Variants in ADAMTS6 observed in about 807,000 individuals in gnomAD.
ADAMTS6 encodes the protein ADAM metallopeptidase with thrombospondin type 1 motif 6, also known as A disintegrin and metalloproteinase with thrombospondin motifs 6.
Under a neutral mutation model 144.3 loss-of-function variants are expected in ADAMTS6, and 23 were observed. The observed-to-expected ratio is 0.16, with a 90% CI of 0.11 to 0.23. The LOEUF (loss-of-function observed/expected upper bound fraction) is 0.23. Among genes scored for constraint, ADAMTS6 ranks in the 10% least tolerant of loss-of-function variants. The pLI, the probability that ADAMTS6 is intolerant of heterozygous loss-of-function variation, is 1.00. For synonymous variants in ADAMTS6, 444 were observed against 457.5 expected (o/e 0.97, Z 0.38); for missense variants, 999 against 1,379.6 (o/e 0.72, Z 4.37).
At chr5:65,360,793 A>C (rs961703210) in intron 7 of ADAMTS6, among the ~76,000 whole-genome samples, 2 of 152,222 alleles carry the variant, frequency 1.3e-5, no homozygotes, top group Non-Finnish European at 2.9e-5. Context: ...ATGTTATAAG[A>C]GTTCAAAAGA....
intron 7 of ADAMTS6, among the ~76,000 whole-genome samples, chr5:65,391,969 C>T (rs1277202810): frequency 2.0e-5 from 3 of 152,224 alleles, no homozygotes; most frequent in South Asian, 4.2e-4. Context: ...CTCCTGATCT[C>T]AAGTGATCCA....
At chr5:65,176,737 A>C (rs1754006068) in intron 22 of ADAMTS6, among the ~76,000 whole-genome samples, 1 of 152,274 alleles carries the variant, frequency 6.6e-6, no homozygotes, top group African/African-American at 2.4e-5. Context: ...TAAGTTTAAC[A>C]TTAATAGCAC....
chr5:65,433,851 A>G (rs1366663944), intron 7 of ADAMTS6, among the ~76,000 whole-genome samples: 1 of 152,208 alleles, frequency 6.6e-6, no homozygotes, highest in Non-Finnish European at 1.5e-5. Context: ...ACAGCCTGGC[A>G]GTTTCTCAAA....
intron 7 of ADAMTS6, among the ~76,000 whole-genome samples, chr5:65,419,371 C>A (rs983043898): frequency 6.6e-6 from 1 of 151,860 alleles, no homozygotes; most frequent in Non-Finnish European, 1.5e-5. Context: ...ATAAAGACGG[C>A]AACAATAGAA....
chr5:65,262,876 C>G lies in ADAMTS6; in HGVS notation c.1707G>C (p.Glu569Asp). Residue 569 changes from glutamate to aspartate, a missense_variant, in exon 13 of 25, where the codon GAG becomes GAC. Physicochemically the swap from Glu to Asp is conservative, Grantham distance 45. This residue lies in a region of ADAMTS6 where 619 missense variants were observed against 837.0 expected (regional missense o/e 0.74). Coordinates refer to ENST00000381055, the MANE Select transcript of ADAMTS6 (RefSeq NM_197941.4). ...CGCCTCCCCCGCAGGTCCTGCTGCA[C>G]TCTCCCCATAGTGACCAGGGACCCC... The part of the protein sequence containing the change: ...GGWGPWSLWG[E>D]CSRTCGGGVS... 3.7e-6 allele frequency: 6 copies of G among 1,608,458 alleles called. No individual in the cohort carries two copies. The South Asian group carries it at 6.6e-5, about 18-fold the overall frequency.
chr5:65,478,594 T>C (rs940306182), intron 1 of ADAMTS6, among the ~76,000 whole-genome samples: 3 of 152,204 alleles, frequency 2.0e-5, no homozygotes, highest in African/African-American at 2.4e-5. Context: ...TCCTTCATTA[T>C]CTAACATCAC....
intron 22 of ADAMTS6, among the ~76,000 whole-genome samples, chr5:65,180,636 T>C (rs1005176384): frequency 6.6e-6 from 1 of 152,104 alleles, no homozygotes; most frequent in African/African-American, 2.4e-5. Flanking sequence ...CTCACTCAAA[T>C]CCACTCCCTA....
At chr5:65,256,961 TTCTCTCTCTCTC>T (rs55933758) in intron 14 of ADAMTS6, among the ~76,000 whole-genome samples, 4 of 118,042 alleles carry the variant, frequency 3.4e-5, no homozygotes, top group Admixed American at 2.5e-4. Context: ...GGGTCACTTT[TTCTCTCTCTCTC>T]TCTCTCTCTC....
At chr5:65,225,954 T>G in intron 16 of ADAMTS6, 132 bp downstream of exon 16, 1 of 961,196 alleles carries the variant, frequency 1.0e-6, no homozygotes, top group Non-Finnish European at 1.4e-6. Context: ...TTATTACTCT[T>G]AATGGAAATT....
At chr5:65,346,633 T>A (rs1748344440) in intron 7 of ADAMTS6, among the ~76,000 whole-genome samples, 1 of 150,766 alleles carries the variant, frequency 6.6e-6, no homozygotes, top group Non-Finnish European at 1.5e-5. Flanking sequence ...GGCAGAGCAA[T>A]TAGGCAAAAA....
At chr5:65,201,894 C>T (rs1755763248) in intron 20 of ADAMTS6, among the ~76,000 whole-genome samples, 1 of 152,154 alleles carries the variant, frequency 6.6e-6, no homozygotes, top group Non-Finnish European at 1.5e-5. Flanking sequence ...GTATACAGAG[C>T]ATATGGCCAG....
chr5:65,218,097 A>G (rs957499899), intron 18 of ADAMTS6, among the ~76,000 whole-genome samples: 4 of 152,164 alleles, frequency 2.6e-5, no homozygotes, highest in Non-Finnish European at 5.9e-5. Context: ...AGAGAACAAG[A>G]GAGGAAGGAG....
At chr5:65,282,050 A>G (rs1445987381) in intron 11 of ADAMTS6, among the ~76,000 whole-genome samples, 3 of 152,198 alleles carry the variant, frequency 2.0e-5, no homozygotes, top group Non-Finnish European at 4.4e-5. Context: ...CAATTATTAT[A>G]TCATTAAGGA....
chr5:65,294,631 T>G (rs996719432), intron 10 of ADAMTS6, among the ~76,000 whole-genome samples: 1 of 152,210 alleles, frequency 6.6e-6, no homozygotes, highest in African/African-American at 2.4e-5. Context: ...TGATAATTAT[T>G]AGTTACTAAT....
chr5:65,287,503 C>T (rs1272876959), intron 11 of ADAMTS6, among the ~76,000 whole-genome samples: 1 of 151,934 alleles, frequency 6.6e-6, no homozygotes, highest in Non-Finnish European at 1.5e-5. Flanking sequence ...GTTTCCTCAC[C>T]TATAAAATAT....
At chr5:65,282,567 TC>T (rs1763066765) in intron 11 of ADAMTS6, among the ~76,000 whole-genome samples, 1 of 152,088 alleles carries the variant, frequency 6.6e-6, no homozygotes, top group Non-Finnish European at 1.5e-5. Context: ...AAGAGACAGC[TC>T]TACAGGGCCG....
chr5:65,281,284 A>G (rs1181652579), intron 11 of ADAMTS6, among the ~76,000 whole-genome samples: 1 of 152,184 alleles, frequency 6.6e-6, no homozygotes, highest in Non-Finnish European at 1.5e-5. Context: ...CAGAACTGAA[A>G]AATGTCACTG....
chr5:65,378,768 C>T (rs1214283500), intron 7 of ADAMTS6, among the ~76,000 whole-genome samples: 3 of 152,148 alleles, frequency 2.0e-5, no homozygotes, highest in African/African-American at 7.2e-5. Flanking sequence ...TTGCTTGTAT[C>T]ATTCACTGCT....
intron 20 of ADAMTS6, among the ~76,000 whole-genome samples, chr5:65,200,814 T>C (rs1249843849): frequency 6.6e-6 from 1 of 152,196 alleles, no homozygotes; most frequent in East Asian, 1.9e-4. Context: ...TGCCAATATA[T>C]ATTTACTTTA....
Sources: gnomAD v4.1 joint callset for allele counts (sites outside exome capture counted in the v4.1 genomes callset) on GRCh38, gnomAD v4.1.1 for gene constraint, gnomAD v4.1.1 regional missense constraint, MANE v1.5 for transcripts, NCBI Gene and HGNC (gene_info 2026-07-23, HGNC 2026-07-21) for gene names.